The following SGMS1 variants were observed in gnomAD, a reference collection of about 807,000 sequenced individuals.
SGMS1 encodes the protein phosphatidylcholine:ceramide cholinephosphotransferase 1.
Under a neutral mutation model 46.2 loss-of-function variants are expected in SGMS1, and 13 were observed. The ratio of observed to expected loss-of-function variants is 0.28; its 90% CI spans 0.18 to 0.45. The LOEUF is 0.45. SGMS1 is among the 20% of genes least tolerant of loss of function. The pLI is 1.00. For missense variants in SGMS1, 324 were observed against 519.9 expected (o/e 0.62, Z 3.66); for synonymous variants, 203 against 187.8 (o/e 1.08, Z -0.66).
At chr10:50,613,928 G>C (rs1020985347) in intron 1 of SGMS1, among the ~76,000 whole-genome samples, 1 of 152,118 alleles carries the variant, frequency 6.6e-6, no homozygotes, top group Non-Finnish European at 1.5e-5. Flanking sequence ...GTGACCTCGT[G>C]GCAGCTGGAG....
At chr10:50,569,730 C>T (rs1838321326) in intron 2 of SGMS1, among the ~76,000 whole-genome samples, 1 of 152,042 alleles carries the variant, frequency 6.6e-6, no homozygotes, top group South Asian at 2.1e-4. Context: ...GTTTTTTCTA[C>T]CAGGGAAGCA....
rs188010392 is a variant in SGMS1, at chr10:50,372,916, G to A, written c.-231-28571C>T. 1.5e-4 allele frequency among the ~76,000 whole-genome samples: 22 copies of A among 149,636 alleles called. No individual in the cohort carries two copies. In the East Asian group the frequency reaches 4.1e-3, roughly 28 times the overall value. On this transcript the variant is annotated intron_variant, in intron 6 of 10. Transcript: ENST00000361781. Reference sequence around the variant, plus strand: ...TTTTTATTCTTTGCTATAAGAAAAGGAAACTTAAATCCAAAGTCAATGCTA... The same window carrying A: ...TTTTTATTCTTTGCTATAAGAAAAGAAAACTTAAATCCAAAGTCAATGCTA...
intron 2 of SGMS1, among the ~76,000 whole-genome samples, chr10:50,575,705 A>G (rs1448761300): frequency 2.6e-5 from 4 of 152,040 alleles, no homozygotes; most frequent in Non-Finnish European, 5.9e-5. Flanking sequence ...AAGTGTATAC[A>G]TATGTCCAAA....
chr10:50,521,513 T>C (rs1008425474), intron 2 of SGMS1, among the ~76,000 whole-genome samples: 8 of 152,200 alleles, frequency 5.3e-5, no homozygotes, highest in Non-Finnish European at 1.2e-4. Context: ...ATGTCCTTTA[T>C]AGTATTTCTC....
At chr10:50,477,669 G>A (rs1329482057) in intron 3 of SGMS1, among the ~76,000 whole-genome samples, 2 of 152,140 alleles carry the variant, frequency 1.3e-5, no homozygotes, top group Admixed American at 6.5e-5. Flanking sequence ...GGAAGTGGTT[G>A]GATCATGGGT....
chr10:50,392,055 C>G (rs1848776975), intron 6 of SGMS1, among the ~76,000 whole-genome samples: 1 of 151,870 alleles, frequency 6.6e-6, no homozygotes, highest in Non-Finnish European at 1.5e-5. Flanking sequence ...GGAGGAAGGT[C>G]AGGCTTGAAA....
chr10:50,341,207 A>G (rs1365546162), intron 7 of SGMS1: 1 of 383,526 alleles, frequency 2.6e-6, no homozygotes, highest in Non-Finnish European at 5.2e-6. Context: ...ATACTACAAA[A>G]GATTTTAACC....
At chr10:50,596,213 G>A (rs1588887679) in intron 1 of SGMS1, among the ~76,000 whole-genome samples, 1 of 111,846 alleles carries the variant, frequency 8.9e-6, no homozygotes, top group South Asian at 2.8e-4. Context: ...TTTCGCTCTT[G>A]TTGCCCAGGC....
At chr10:50,312,844 G>C (rs1052169668) in intron 8 of SGMS1, among the ~76,000 whole-genome samples, 6 of 152,208 alleles carry the variant, frequency 3.9e-5, no homozygotes, top group Non-Finnish European at 7.3e-5. Context: ...CAAAAAAGGA[G>C]AGATGAAGGA....
intron 6 of SGMS1, among the ~76,000 whole-genome samples, chr10:50,407,686 A>G (rs184707296): frequency 1.1e-4 from 16 of 151,612 alleles, no homozygotes; most frequent in Admixed American, 6.6e-4. Context: ...TTACAATAGA[A>G]TGGGTGCCTA....
At chr10:50,437,928 T>C (rs1849495865) in intron 5 of SGMS1, among the ~76,000 whole-genome samples, 1 of 152,164 alleles carries the variant, frequency 6.6e-6, no homozygotes, top group South Asian at 2.1e-4. Context: ...CCCAGCAGCA[T>C]GAGAGTTGCT....
rs1849432942 is a variant in SGMS1 at position 50,433,554 on chromosome 10, C to T, written c.-310G>A. 2 of 152,314 alleles carry T rather than the reference C, an allele frequency of 1.3e-5. No individual in the cohort carries two copies. The highest frequency in any genetic ancestry group is 2.9e-5 in the Non-Finnish European group (2 of 68,036). The allele number at this position is 152,314 out of a possible 1,614,324, so 9.4% of individuals were successfully genotyped here. A position where few individuals can be genotyped will look rare whatever the true frequency, so the allele number is the denominator to read the frequency against. ...TCCCATTGTTCCAGTACAGTTCCAT[C>T]ACCTGTCATAAGCAGAAAGAATCTA... On this transcript the variant is annotated splice_region_variant and 5_prime_UTR_variant, in exon 6 of 11. An upstream open reading frame in the 5' UTR loses its in-frame stop. Transcript: ENST00000361781.
rs147721073 is a variant in SGMS1, at chr10:50,583,765, C to T, written c.-589+6388G>A. 2.2e-4 allele frequency among the ~76,000 whole-genome samples: 33 copies of T among 152,294 alleles called. 1 individual carries two copies. The highest frequency in any genetic ancestry group is 1.9e-3 in the East Asian group (10 of 5,184). Reference sequence around the variant, plus strand: ...AAATGAGTTTTCTGTCACTTGCAACCAAGGCACTCTGTTCTATCAACTAAA... The same window carrying T: ...AAATGAGTTTTCTGTCACTTGCAACTAAGGCACTCTGTTCTATCAACTAAA... On this transcript the variant is annotated intron_variant, in intron 2 of 10. Coordinates refer to ENST00000361781, the MANE Select transcript of SGMS1 (RefSeq NM_147156.4).
At chr10:50,333,539 C>T (rs1847661210) in intron 7 of SGMS1, among the ~76,000 whole-genome samples, 1 of 152,168 alleles carries the variant, frequency 6.6e-6, no homozygotes, top group Non-Finnish European at 1.5e-5. Flanking sequence ...CTTCTCTCTT[C>T]TTTCTAGTCT....
chr10:50,431,689 A>C (rs1424306277), intron 6 of SGMS1, among the ~76,000 whole-genome samples: 1 of 152,172 alleles, frequency 6.6e-6, no homozygotes, highest in African/African-American at 2.4e-5. Context: ...GGTTTCCATT[A>C]AAACTTAATT....
At chr10:50,594,898 C>T (rs1345045017) in intron 1 of SGMS1, among the ~76,000 whole-genome samples, 4 of 152,068 alleles carry the variant, frequency 2.6e-5, no homozygotes, top group Admixed American at 2.6e-4. Context: ...ATCATTTATC[C>T]CGACAAGGTA....
chr10:50,421,648 A>G (rs773469837), intron 6 of SGMS1, among the ~76,000 whole-genome samples: 22 of 152,142 alleles, frequency 1.4e-4, no homozygotes, highest in Non-Finnish European at 1.5e-5. Flanking sequence ...CTTAGGAAAC[A>G]TATTTGGATA....
At chr10:50,609,197 C>T (rs1838724334) in intron 1 of SGMS1, among the ~76,000 whole-genome samples, 1 of 152,080 alleles carries the variant, frequency 6.6e-6, no homozygotes. Context: ...TCTCGAACTC[C>T]CAGACTCAAG....
intron 6 of SGMS1, among the ~76,000 whole-genome samples, chr10:50,412,554 G>A (rs984151355): frequency 2.2e-4 from 34 of 152,176 alleles, no homozygotes; most frequent in African/African-American, 8.2e-4. Context: ...AAGTGGAAGT[G>A]ACAGAAAGGG....
Sources: allele counts gnomAD v4.1 joint callset (sites outside exome capture counted in the v4.1 genomes callset), GRCh38; gene constraint gnomAD v4.1.1; transcripts MANE v1.5; gene names NCBI Gene and HGNC (gene_info 2026-07-23, HGNC 2026-07-21).